NRG4: variants seen among roughly 807,000 people sequenced by gnomAD.
NRG4 encodes pro-neuregulin-4, membrane-bound isoform.
Under a neutral mutation model 15.0 loss-of-function variants are expected in NRG4, and 10 were observed. That is an observed-to-expected ratio of 0.67 (90% CI 0.41 to 1.13). NRG4 has a LOEUF of 1.13. Ranked by LOEUF, NRG4 falls within the 50% of genes most tolerant of loss-of-function variation. The pLI, the probability that NRG4 is intolerant of heterozygous loss-of-function variation, is 0.00. For missense variants in NRG4, 139 were observed against 140.2 expected (o/e 0.99, Z 0.04); for synonymous variants, 41 against 50.1 (o/e 0.82, Z 0.77).
intron 1 of NRG4, among the ~76,000 whole-genome samples, chr15:76,057,866 T>C (rs2036191459): frequency 6.6e-6 from 1 of 151,106 alleles, no homozygotes; most frequent in Non-Finnish European, 1.5e-5. Flanking sequence ...ATGGCTATTA[T>C]ACTATAAATA....
At chr15:75,950,875 T>C (rs2031839090) in intron 5 of NRG4, 1 of 170,770 alleles carries the variant, frequency 5.9e-6, no homozygotes, top group African/African-American at 2.4e-5. Flanking sequence ...ATATATGTCT[T>C]CCTCCCTTTT....
intron 4 of NRG4, among the ~76,000 whole-genome samples, chr15:75,956,307 C>G (rs539151925): frequency 1.1e-3 from 168 of 152,240 alleles, no homozygotes; most frequent in Non-Finnish European, 2.1e-3. Context: ...TTTAAGACAA[C>G]AGCAAACCTG....
intron 3 of NRG4, among the ~76,000 whole-genome samples, chr15:75,979,191 CT>C (rs2033498898): frequency 6.6e-6 from 1 of 152,144 alleles, no homozygotes; most frequent in Non-Finnish European, 1.5e-5. Context: ...AAAAAAAAAT[CT>C]TTGCCCAGAT....
At chr15:75,991,443 C>A (rs922960934) in intron 3 of NRG4, among the ~76,000 whole-genome samples, 6 of 152,182 alleles carry the variant, frequency 3.9e-5, no homozygotes, top group Non-Finnish European at 8.8e-5. Context: ...GTTTGCTGAT[C>A]TTTGCCCTAT....
At chr15:75,987,450 C>T (rs553497028) in intron 3 of NRG4, among the ~76,000 whole-genome samples, 1 of 152,116 alleles carries the variant, frequency 6.6e-6, no homozygotes, top group Admixed American at 6.5e-5. Flanking sequence ...AATCATACCT[C>T]CAATGTGATG....
At chr15:76,037,357 T>G (rs973151178) in intron 4 of NRG4, among the ~76,000 whole-genome samples, 1 of 152,188 alleles carries the variant, frequency 6.6e-6, no homozygotes, top group Non-Finnish European at 1.5e-5. Flanking sequence ...CCCATCACAG[T>G]AGCCAAGTGT....
At chr15:76,044,797 T>C (rs1308691304) in intron 4 of NRG4, among the ~76,000 whole-genome samples, 2 of 140,052 alleles carry the variant, frequency 1.4e-5, no homozygotes, top group South Asian at 2.2e-4. Context: ...GCCGAGATCA[T>C]ACCACTGCAC....
At chr15:76,022,866 T>C (rs1410754238) in intron 5 of NRG4, among the ~76,000 whole-genome samples, 1 of 151,996 alleles carries the variant, frequency 6.6e-6, no homozygotes, top group African/African-American at 2.4e-5. Flanking sequence ...GGAAATGGTA[T>C]CAGAGAAAGC....
At chr15:75,956,316 T>G (rs1227250006) in intron 4 of NRG4, among the ~76,000 whole-genome samples, 3 of 152,168 alleles carry the variant, frequency 2.0e-5, no homozygotes, top group Admixed American at 6.5e-5. Flanking sequence ...ACAGCAAACC[T>G]GTTGTATCTT....
chr15:76,020,751 C>T (rs1441999212), intron 5 of NRG4, among the ~76,000 whole-genome samples: 1 of 152,188 alleles, frequency 6.6e-6, no homozygotes, highest in Admixed American at 6.5e-5. Context: ...CAGAGCAAGG[C>T]CCTAATTCTT....
chr15:76,025,281 T>C (rs769856535), intron 5 of NRG4, among the ~76,000 whole-genome samples: 2 of 151,118 alleles, frequency 1.3e-5, no homozygotes, highest in Admixed American at 6.6e-5. Flanking sequence ...CTATTAAAAA[T>C]ACAAAAAATT....
chr15:76,033,608 T>C (rs1299369576), intron 5 of NRG4, among the ~76,000 whole-genome samples: 1 of 152,194 alleles, frequency 6.6e-6, no homozygotes, highest in Admixed American at 6.5e-5. Flanking sequence ...CACAAAATCT[T>C]GAACAGAGCA....
At chr15:75,982,312 C>G (rs981140944) in intron 3 of NRG4, among the ~76,000 whole-genome samples, 1 of 152,060 alleles carries the variant, frequency 6.6e-6, no homozygotes, top group Admixed American at 6.5e-5. Context: ...TCCAGAAATA[C>G]AAGAATGATT....
intron 3 of NRG4, among the ~76,000 whole-genome samples, chr15:75,980,420 A>C (rs28503328): frequency 0.015 from 2,250 of 150,696 alleles, 66 homozygotes; most frequent in African/African-American, 0.052. Flanking sequence ...AGTTCATACA[A>C]GTTGAATATC....
chr15:76,032,392 A>G (rs931074732), intron 5 of NRG4, among the ~76,000 whole-genome samples: 11 of 152,196 alleles, frequency 7.2e-5, no homozygotes, highest in African/African-American at 2.4e-4. Context: ...TGTCTTAGGC[A>G]TTTAATAAAT....
chr15:75,971,418 T>C (rs2033085680), intron 3 of NRG4, among the ~76,000 whole-genome samples: 1 of 152,204 alleles, frequency 6.6e-6, no homozygotes, highest in Non-Finnish European at 1.5e-5. Flanking sequence ...TTATGCCCAC[T>C]GGGAAGGAGA....
intron 2 of NRG4, among the ~76,000 whole-genome samples, chr15:76,010,262 T>G (rs985343360): frequency 2.6e-5 from 4 of 152,142 alleles, no homozygotes; most frequent in African/African-American, 9.7e-5. Context: ...TGCTTTAAAC[T>G]TGTACATTGT....
At chr15:75,948,305 C>CTTTA (rs142980207) in intron 5 of NRG4, among the ~76,000 whole-genome samples, 5,511 of 144,482 alleles carry the variant, frequency 0.038, 170 homozygotes, top group African/African-American at 0.083. Context: ...CTTTGATCCA[C>CTTTA]TTTATTTATT....
chr15:75,982,060 TA>T (rs1376747334), intron 3 of NRG4, among the ~76,000 whole-genome samples: 1 of 152,172 alleles, frequency 6.6e-6, no homozygotes, highest in Non-Finnish European at 1.5e-5. Context: ...GACAGCTTCA[TA>T]GAGAATTCTT....
Sources: allele counts gnomAD v4.1 joint callset (sites outside exome capture counted in the v4.1 genomes callset), GRCh38; gene constraint gnomAD v4.1.1; transcripts MANE v1.5; gene names NCBI Gene and HGNC (gene_info 2026-07-23, HGNC 2026-07-21).